Variants in DNM3 observed in about 807,000 individuals in gnomAD.
DNM3 encodes dynamin-3.
DNM3 carries 47 observed loss-of-function variants against 101.6 expected under a neutral mutation model. The ratio of observed to expected loss-of-function variants is 0.46; its 90% CI spans 0.37 to 0.59. The LOEUF (loss-of-function observed/expected upper bound fraction) is 0.59, where lower values mean the gene tolerates loss of function less well. Among genes scored for constraint, DNM3 ranks in the 20% least tolerant of loss-of-function variants. DNM3 has a pLI of 0.00. For synonymous variants in DNM3, 385 were observed against 387.9 expected (o/e 0.99, Z 0.09); for missense variants, 849 against 1,085.7 (o/e 0.78, Z 3.06).
chr1:172,128,965 G>A (rs930472370), intron 13 of DNM3, among the ~76,000 whole-genome samples: 2 of 152,234 alleles, frequency 1.3e-5, no homozygotes, highest in African/African-American at 2.4e-5. Context: ...CCATTGAAAC[G>A]CAGGTACTAT....
At chr1:172,392,376 C>T (rs2001127) in intron 20 of DNM3, among the ~76,000 whole-genome samples, 73,263 of 151,970 alleles carry the variant, frequency 0.48, 20,476 homozygotes, top group East Asian at 0.87. Flanking sequence ...CTCACCTCCA[C>T]TCAACTTCTC....
intron 4 of DNM3, among the ~76,000 whole-genome samples, chr1:172,022,321 T>C (rs2047902439): frequency 6.6e-6 from 1 of 152,212 alleles, no homozygotes; most frequent in Non-Finnish European, 1.5e-5. Flanking sequence ...TTTCAAAGCA[T>C]GATGACTTTA....
intron 2 of DNM3, among the ~76,000 whole-genome samples, chr1:171,957,714 G>A (rs1490297698): frequency 6.6e-6 from 1 of 152,154 alleles, no homozygotes; most frequent in East Asian, 1.9e-4. Context: ...GCCAGTCTCT[G>A]CTAAAACATA....
chr1:172,317,759 C>G (rs1219635882), intron 16 of DNM3, among the ~76,000 whole-genome samples: 1 of 152,136 alleles, frequency 6.6e-6, no homozygotes, highest in Non-Finnish European at 1.5e-5. Context: ...AGCTTACCAA[C>G]CAAAAAGAGT....
intron 16 of DNM3, among the ~76,000 whole-genome samples, chr1:172,318,141 G>C (rs1012580179): frequency 2.0e-5 from 3 of 152,148 alleles, no homozygotes; most frequent in African/African-American, 7.2e-5. Flanking sequence ...AAAAGCACAT[G>C]ATTATTTCAA....
intron 1 of DNM3, among the ~76,000 whole-genome samples, chr1:171,861,499 T>G (rs1346158007): frequency 6.6e-6 from 1 of 152,142 alleles, no homozygotes; most frequent in Non-Finnish European, 1.5e-5. Context: ...AAGAGTAGCC[T>G]TTTCAACAAA....
At chr1:172,143,745 G>C (rs2057721470) in intron 14 of DNM3, among the ~76,000 whole-genome samples, 1 of 152,092 alleles carries the variant, frequency 6.6e-6, no homozygotes, top group South Asian at 2.1e-4. Context: ...ATATTTACAG[G>C]GGTATCTAAA....
intron 11 of DNM3, among the ~76,000 whole-genome samples, chr1:172,071,699 G>A (rs80055675): frequency 0.039 from 5,863 of 152,190 alleles, 122 homozygotes; most frequent in Middle Eastern, 0.071. Flanking sequence ...CTTAAACAAA[G>A]GTTTTTTGAA....
At chr1:171,970,929 T>G (rs1422782485) in intron 2 of DNM3, among the ~76,000 whole-genome samples, 1 of 152,126 alleles carries the variant, frequency 6.6e-6, no homozygotes, top group Non-Finnish European at 1.5e-5. Flanking sequence ...AGTGGTGTGC[T>G]TGTCAAATTT....
chr1:172,376,557 A>G lies in DNM3; in HGVS notation c.1894-2461A>G, dbSNP rs2068612814. On this transcript the variant is annotated intron_variant, in intron 17 of 20. Coordinates refer to ENST00000627582, the MANE Select transcript of DNM3 (RefSeq NM_015569.5). Reference sequence around the variant, plus strand: ...GTTGCTCTCTGCAATTACTCACGTAAAAGAAAAATTCCATTTATATGCATT... The same window carrying G: ...GTTGCTCTCTGCAATTACTCACGTAGAAGAAAAATTCCATTTATATGCATT... The G allele has an allele frequency of 2.0e-5, 3 of 152,110 alleles. No homozygotes were observed. The South Asian group carries it at 6.2e-4, about 31-fold the overall frequency. The allele number at this position is 152,110 out of a possible 1,614,324, so 9.4% of individuals were successfully genotyped here.
At position 172,387,160 on chromosome 1, in the gene DNM3, C is replaced by T; in HGVS notation, c.2086C>T (p.Leu696=). ...TAAAGATTTCATAAATTCCGAGCTC[C>T]TAGCACAGTTGTATTCTTCAGAGGA... is the stretch of plus-strand genomic sequence containing the variant. ...NVKDFINSEL[L]AQLYSSEDQN... Residue 696 remains leucine (L), a synonymous_variant, in exon 19 of 21, where the codon CTA becomes TTA. Transcript: ENST00000627582. The T allele has an allele frequency of 3.1e-6, 5 of 1,613,910 alleles. No homozygotes were observed. The highest frequency in any genetic ancestry group is 4.2e-6 in the Non-Finnish European group (5 of 1,179,840).
intron 13 of DNM3, among the ~76,000 whole-genome samples, chr1:172,121,974 CT>C (rs1342650336): frequency 2.6e-5 from 4 of 152,048 alleles, no homozygotes; most frequent in African/African-American, 9.7e-5. Context: ...AGAATGCTTT[CT>C]TTTTATGTTG....
At chr1:172,078,058 C>A (rs923086019) in intron 11 of DNM3, among the ~76,000 whole-genome samples, 1 of 151,906 alleles carries the variant, frequency 6.6e-6, no homozygotes, top group Non-Finnish European at 1.5e-5. Context: ...TATGTAATTA[C>A]CTTCTTTGTC....
chr1:171,908,712 G>A (rs1475595771), intron 1 of DNM3, among the ~76,000 whole-genome samples: 1 of 151,982 alleles, frequency 6.6e-6, no homozygotes. Context: ...TTGTTTATTA[G>A]TATCTTAATT....
chr1:172,261,451 G>GA (rs2062642992), intron 15 of DNM3, among the ~76,000 whole-genome samples: 1 of 152,192 alleles, frequency 6.6e-6, no homozygotes, highest in Non-Finnish European at 1.5e-5. Flanking sequence ...TAGAGGCTAT[G>GA]AAAAAGTTTT....
At chr1:171,853,189 G>T (rs1211941039) in intron 1 of DNM3, among the ~76,000 whole-genome samples, 1 of 151,638 alleles carries the variant, frequency 6.6e-6, no homozygotes, top group Non-Finnish European at 1.5e-5. Context: ...TTTGAGACAG[G>T]CTCTAGCTCT....
chr1:172,288,643 G>A lies in DNM3; in HGVS notation c.1770-20085G>A, dbSNP rs551035192. ...TAAATGGGAGCTATTAACTGGCTAC[G>A]TTGACAGAACTGACTGATTGGAAAT... On this transcript the variant is annotated intron_variant, in intron 15 of 20. Transcript: ENST00000627582. 1.1e-4 allele frequency among the ~76,000 whole-genome samples: 16 copies of A among 152,280 alleles called. No homozygotes were observed. In the South Asian group the frequency reaches 1.4e-3, roughly 14 times the overall value.
chr1:171,925,105 T>A (rs2040462076), intron 2 of DNM3, among the ~76,000 whole-genome samples: 1 of 151,822 alleles, frequency 6.6e-6, no homozygotes, highest in South Asian at 2.1e-4. Context: ...TTCACCATGT[T>A]GGCCAGGCTG....
chr1:172,341,697 G>T (rs2066693197), intron 17 of DNM3, among the ~76,000 whole-genome samples: 1 of 151,938 alleles, frequency 6.6e-6, no homozygotes, highest in Non-Finnish European at 1.5e-5. Context: ...GATTGAAATT[G>T]GGCCCCTTCT....
Sources: gnomAD v4.1 joint callset for allele counts (sites outside exome capture counted in the v4.1 genomes callset) on GRCh38, gnomAD v4.1.1 for gene constraint, MANE v1.5 for transcripts, NCBI Gene and HGNC (gene_info 2026-07-23, HGNC 2026-07-21) for gene names.